Variants in FRMD4A observed in about 807,000 individuals in gnomAD.
FRMD4A encodes FERM domain containing 4A.
In FRMD4A, 29 loss-of-function variants were observed where a neutral mutation model predicts 129.1. The observed-to-expected ratio is 0.22, with a 90% CI of 0.17 to 0.31. The LOEUF (loss-of-function observed/expected upper bound fraction) is 0.31, where lower values mean the gene tolerates loss of function less well. Among genes scored for constraint, FRMD4A ranks in the 10% least tolerant of loss-of-function variants. The pLI is 1.00. For synonymous variants in FRMD4A, 634 were observed against 571.6 expected (o/e 1.11, Z -1.56); for missense variants, 1,272 against 1,375.8 (o/e 0.92, Z 1.19).
intron 2 of FRMD4A, among the ~76,000 whole-genome samples, chr10:14,309,603 AC>A (rs1846469648): frequency 2.0e-5 from 3 of 152,190 alleles, no homozygotes; most frequent in South Asian, 4.1e-4. Context: ...AGTTCTGAGA[AC>A]CCCCGAGGTA....
chr10:13,986,905 C>T (rs182856373), intron 2 of FRMD4A, among the ~76,000 whole-genome samples: 7 of 152,008 alleles, frequency 4.6e-5, no homozygotes, highest in East Asian at 1.9e-4. Context: ...CTAAGGGTTT[C>T]GGTCAGTGGT....
At chr10:14,163,164 G>T (rs867566572) in intron 2 of FRMD4A, among the ~76,000 whole-genome samples, 1 of 152,150 alleles carries the variant, frequency 6.6e-6, no homozygotes, top group South Asian at 2.1e-4. Context: ...TCTTTGTTGA[G>T]TTTCATGGTA....
At chr10:13,913,571 C>A (rs74121782) in intron 2 of FRMD4A, among the ~76,000 whole-genome samples, 6,515 of 152,194 alleles carry the variant, frequency 0.043, 451 homozygotes, top group African/African-American at 0.15. Flanking sequence ...GAGACATTCA[C>A]ATAAGGGTCC....
rs185176203 is a variant in FRMD4A, at chr10:13,706,943, C to A, written c.836+94G>T. 63 of 725,672 alleles carry A rather than the reference C, an allele frequency of 8.7e-5. No homozygotes were observed. In the East Asian group the frequency reaches 1.6e-3, roughly 19 times the overall value. 45.0% of individuals were successfully genotyped at this position (725,672 alleles called of 1,614,324 possible). A position where few individuals can be genotyped will look rare whatever the true frequency, so the allele number is the denominator to read the frequency against. ...CCCCACCCTCGCTCCCTGCTCCAAA[C>A]TGACCATGAACAACGACAGCCCCAA... On this transcript the variant is annotated intron_variant, in intron 13 of 24. Coordinates refer to ENST00000357447, the MANE Select transcript of FRMD4A (RefSeq NM_018027.5).
intron 19 of FRMD4A, among the ~76,000 whole-genome samples, chr10:13,662,071 A>G (rs538157634): frequency 2.8e-4 from 42 of 152,078 alleles, no homozygotes; most frequent in Admixed American, 6.6e-4. Context: ...TGATATCTCA[A>G]AATTACCCCG....
At chr10:14,086,332 C>T (rs951736785) in intron 2 of FRMD4A, among the ~76,000 whole-genome samples, 1 of 152,130 alleles carries the variant, frequency 6.6e-6, no homozygotes, top group Non-Finnish European at 1.5e-5. Context: ...GAATTCAGCT[C>T]TGAGCCTCAG....
chr10:13,845,907 G>A (rs2094038424), intron 3 of FRMD4A, among the ~76,000 whole-genome samples: 1 of 152,208 alleles, frequency 6.6e-6, no homozygotes, highest in Non-Finnish European at 1.5e-5. Flanking sequence ...CAGAGCCTGT[G>A]CTCTCAGCGT....
intron 2 of FRMD4A, among the ~76,000 whole-genome samples, chr10:14,027,122 T>C (rs1366934406): frequency 6.6e-6 from 1 of 152,190 alleles, no homozygotes; most frequent in Non-Finnish European, 1.5e-5. Flanking sequence ...CCCCTTTCCT[T>C]ATGAATTAAA....
At chr10:14,185,712 A>G (rs1005630447) in intron 2 of FRMD4A, among the ~76,000 whole-genome samples, 41 of 152,334 alleles carry the variant, frequency 2.7e-4, no homozygotes, top group African/African-American at 9.6e-4. Context: ...TGGCACCTTC[A>G]GTAGTTCTAG....
rs556307093 is a variant in FRMD4A, at chr10:13,925,926, T to C, written c.46-67014A>G. Reference sequence around the variant, plus strand: ...TAGTATAAAATTTCCCTTTACCTCATGCAATTTCAAGTTATCAATCAGTAC... The same window carrying C: ...TAGTATAAAATTTCCCTTTACCTCACGCAATTTCAAGTTATCAATCAGTAC... On this transcript the variant is annotated intron_variant, in intron 2 of 24. Transcript: ENST00000357447. Among the ~76,000 whole-genome samples, 13 of 149,878 alleles carry C rather than the reference T, an allele frequency of 8.7e-5. 1 individual carries two copies. The South Asian group carries it at 2.8e-3, about 32-fold the overall frequency.
intron 5 of FRMD4A, among the ~76,000 whole-genome samples, chr10:13,783,921 T>C (rs149385065): frequency 1.6e-4 from 25 of 152,334 alleles, no homozygotes; most frequent in Non-Finnish European, 2.9e-4. Context: ...GCCTTTATAA[T>C]ATTGACTTTG....
At chr10:14,048,223 G>T (rs750409288) in intron 2 of FRMD4A, among the ~76,000 whole-genome samples, 26 of 152,140 alleles carry the variant, frequency 1.7e-4, no homozygotes, top group Non-Finnish European at 3.2e-4. Context: ...GACCCGGAGT[G>T]GTCCCCATGG....
At chr10:14,313,942 C>T (rs1435347922) in intron 2 of FRMD4A, among the ~76,000 whole-genome samples, 1 of 152,218 alleles carries the variant, frequency 6.6e-6, no homozygotes, top group Non-Finnish European at 1.5e-5. Flanking sequence ...TCCATGATAA[C>T]TGCCTTGTGT....
chr10:14,287,276 T>C (rs1262129617), intron 2 of FRMD4A, among the ~76,000 whole-genome samples: 3 of 152,182 alleles, frequency 2.0e-5, no homozygotes, highest in African/African-American at 7.2e-5. Flanking sequence ...AAGAAACTGA[T>C]CCCATTGCTG....
At chr10:14,252,552 G>C (rs550323553) in intron 2 of FRMD4A, among the ~76,000 whole-genome samples, 1 of 152,338 alleles carries the variant, frequency 6.6e-6, no homozygotes, top group African/African-American at 2.4e-5. Context: ...CTCAGAATTA[G>C]ATTCAGGTTA....
chr10:14,238,363 C>T (rs542712461), intron 2 of FRMD4A, among the ~76,000 whole-genome samples: 32 of 152,274 alleles, frequency 2.1e-4, no homozygotes, highest in African/African-American at 6.7e-4. Context: ...CACTGTGTGG[C>T]GTTCGGCCAA....
At chr10:14,185,577 G>A (rs4750483) in intron 2 of FRMD4A, among the ~76,000 whole-genome samples, 48,074 of 152,078 alleles carry the variant, frequency 0.32, 7,735 homozygotes, top group Non-Finnish European at 0.35. Context: ...GTTCAATCTC[G>A]TCTTGTAAGA....
At chr10:14,243,918 A>G (rs1844143902) in intron 2 of FRMD4A, among the ~76,000 whole-genome samples, 1 of 151,836 alleles carries the variant, frequency 6.6e-6, no homozygotes, top group Non-Finnish European at 1.5e-5. Flanking sequence ...CCTCAGTTGT[A>G]TATCTAAAAT....
At chr10:13,823,398 G>A (rs886610447) in intron 3 of FRMD4A, among the ~76,000 whole-genome samples, 9 of 152,312 alleles carry the variant, frequency 5.9e-5, no homozygotes, top group Non-Finnish European at 1.3e-4. Context: ...TTAATGAAAT[G>A]ATAACTGTTT....
Sources: allele counts gnomAD v4.1 joint callset (sites outside exome capture counted in the v4.1 genomes callset), GRCh38; gene constraint gnomAD v4.1.1; transcripts MANE v1.5; gene names NCBI Gene and HGNC (gene_info 2026-07-23, HGNC 2026-07-21).